Variants in BEST3 observed in about 807,000 individuals in gnomAD.
BEST3 encodes the protein bestrophin-3.
Under a neutral mutation model 47.1 loss-of-function variants are expected in BEST3, and 50 were observed. That is an observed-to-expected ratio of 1.06 (90% CI 0.85 to 1.34). The LOEUF (loss-of-function observed/expected upper bound fraction) is 1.34. BEST3 is among the 40% of genes most tolerant of loss of function. The pLI is 0.00. For missense variants in BEST3, 765 were observed against 817.0 expected, an observed-to-expected ratio of 0.94 and a Z score of 0.78; for synonymous variants, 282 against 298.8, an observed-to-expected ratio of 0.94 and a Z score of 0.58.
downstream of BEST3, among the ~76,000 whole-genome samples, chr12:69,651,786 G>GAAAAAAAAAAAAAAAAAAAAAAA (rs5798944): frequency 2.1e-5 from 2 of 97,154 alleles, no homozygotes; most frequent in Non-Finnish European, 2.5e-5. Flanking sequence ...AAAAAAAAAA[G>GAAAAAAAAAAAAAAAAAAAAAAA]AAAAAAAAAA....
Position 69,677,795 on chromosome 12 carries a change from G to A in BEST3, c.637-538C>T, listed in dbSNP as rs1024266772. Among the ~76,000 whole-genome samples, 5 of 151,922 alleles carry A rather than the reference G, an allele frequency of 3.3e-5. 1 individual carries two copies. The highest frequency in any genetic ancestry group is 7.3e-5 in the African/African-American group (3 of 41,370). ...GTGAGACTCTATTTCCAAAAAAAAA[G>A]GACTTCATAGAAATATCCCCCCGCC... is the stretch of plus-strand genomic sequence containing the variant. On this transcript the variant is annotated intron_variant, in intron 5 of 9. Transcript: ENST00000330891.
chr12:69,699,274 C>A lies in BEST3; in HGVS notation c.-85G>T. On this transcript the variant is annotated 5_prime_UTR_variant, in exon 1 of 10. Coordinates refer to ENST00000330891, the MANE Select transcript of BEST3 (RefSeq NM_032735.3). Reference sequence around the variant, plus strand: ...AATTTCGGGCTCCCCCGAAGAGGTGCCTTCAGGTCGGTGCTGCACGCCCGG... The same window carrying A: ...AATTTCGGGCTCCCCCGAAGAGGTGACTTCAGGTCGGTGCTGCACGCCCGG... 1.0e-6 allele frequency: 1 copy of A among 985,406 alleles called. No individual in the cohort carries two copies. Among genetic ancestry groups the A allele is most frequent in the Non-Finnish European group, 1.2e-6 (1 of 829,934 alleles). 61.0% of individuals were successfully genotyped at this position (985,406 alleles called of 1,614,324 possible). A position where few individuals can be genotyped will look rare whatever the true frequency, so the allele number is the denominator to read the frequency against.
chr12:69,655,296 C>T lies in BEST3; in HGVS notation c.1618G>A (p.Glu540Lys), dbSNP rs1346553830. 3 of 1,614,056 alleles carry T rather than the reference C, an allele frequency of 1.9e-6. No individual in the cohort carries two copies. In the African/African-American group the frequency reaches 4.0e-5, roughly 22 times the overall value. ...EFTGVQPSKT[E>K]QQQGPMGSIL... ...GATCCCATGGGGCCCTGCTGCTGCTCAGTCTTGCTTGGCTGAACCCCTGTA... is the reference window on the plus strand; with the variant it reads ...GATCCCATGGGGCCCTGCTGCTGCTTAGTCTTGCTTGGCTGAACCCCTGTA... The change falls in exon 10 of 10, where the codon GAG becomes AAG. Residue 540 changes from glutamate (E) to lysine (K), a missense_variant. Glu to Lys is a moderately conservative substitution (Grantham distance 56, BLOSUM62 1). Transcript: ENST00000330891.
rs1315031900 is a variant in BEST3 at position 69,693,737 on chromosome 12, AGAT to A, written c.415_417del (p.Ile139del). 2.5e-6 allele frequency: 4 copies of A among 1,614,068 alleles called. No individual in the cohort carries two copies. The highest frequency in any genetic ancestry group is 1.3e-5 in the African/African-American group (1 of 74,934). On this transcript the variant is annotated inframe_deletion, in exon 4 of 10. Transcript: ENST00000330891. ...TACACAGCAGTGCTCACCGAGCGAAAGATGAGCAGGGAGGTGAGATTGACGTAG... is the reference window on the plus strand; with the variant it reads ...TACACAGCAGTGCTCACCGAGCGAAAGAGCAGGGAGGTGAGATTGACGTAG...
rs767324127 is a variant in BEST3 at position 69,677,076 on chromosome 12, AG to A, written c.715-9del. 1.2e-6 allele frequency: 2 copies of A among 1,614,090 alleles called. No homozygotes were observed. The highest frequency in any genetic ancestry group is 2.7e-5 in the African/African-American group (2 of 74,954). On this transcript the variant is annotated splice_polypyrimidine_tract_variant and intron_variant, in intron 6 of 9. Transcript: ENST00000330891. ...GACAGCAAGAGTGACAACCTGGAAC[AG>A]AGAGAGACCAGAGTGAGGGGACAGT...
intron 4 of BEST3, among the ~76,000 whole-genome samples, chr12:69,685,009 C>T (rs1283881601): frequency 6.6e-6 from 1 of 151,330 alleles, no homozygotes; most frequent in African/African-American, 2.4e-5. Flanking sequence ...CTATTCTATT[C>T]TATTCTATTC....
intron 9 of BEST3, among the ~76,000 whole-genome samples, chr12:69,664,904 T>G (rs1019706480): frequency 1.3e-5 from 2 of 152,098 alleles, no homozygotes; most frequent in Non-Finnish European, 2.9e-5. Context: ...ATTATAAAGT[T>G]TGTAAGATAA....
At chr12:69,671,792 G>A (rs1884593423) in intron 8 of BEST3, among the ~76,000 whole-genome samples, 1 of 152,170 alleles carries the variant, frequency 6.6e-6, no homozygotes, top group Non-Finnish European at 1.5e-5. Context: ...ATGAGGATAA[G>A]TGGGGCTTGA....
At chr12:69,669,313 T>C (rs1490323132) in intron 9 of BEST3, among the ~76,000 whole-genome samples, 5 of 152,182 alleles carry the variant, frequency 3.3e-5, no homozygotes, top group Non-Finnish European at 5.9e-5. Flanking sequence ...TCAAGTGAGC[T>C]TTTGCCTAAT....
rs900618237 is a variant in BEST3 at position 69,670,562 on chromosome 12, G to C, written c.1100+866C>G. On this transcript the variant is annotated intron_variant, in intron 9 of 9. Transcript: ENST00000330891. ...AGGAGACATTCGGCAAAGGGAACAG[G>C]GTTGAAGCGAGATCTCCTGAAAGTA... 10 of 702,630 alleles carry C rather than the reference G, an allele frequency of 1.4e-5. No homozygotes were observed. In the Admixed American group the frequency reaches 2.0e-4, roughly 14 times the overall value. The allele number at this position is 702,630 out of a possible 1,614,324, so 43.5% of individuals were successfully genotyped here.
chr12:69,650,692 A>G (rs1175362163), downstream of BEST3, among the ~76,000 whole-genome samples: 1 of 152,212 alleles, frequency 6.6e-6, no homozygotes, highest in East Asian at 1.9e-4. Flanking sequence ...CTAGATTTAT[A>G]GTGGAGAAAA....
intron 4 of BEST3, among the ~76,000 whole-genome samples, chr12:69,692,085 C>T (rs1419204139): frequency 6.6e-6 from 1 of 152,138 alleles, no homozygotes; most frequent in African/African-American, 2.4e-5. Flanking sequence ...GTTCTTTCTT[C>T]TCAAATAAAA....
rs935925794 is a variant in BEST3 at position 69,690,763 on chromosome 12, C to T, written c.481+2911G>A. On this transcript the variant is annotated intron_variant, in intron 4 of 9. Transcript: ENST00000330891. ...TAGGTCTTTCTTAGAGACGGTAATT[C>T]TTAATCTATTTGTTCCTGGAGACAT... Among the ~76,000 whole-genome samples, 5 of 152,120 alleles carry T rather than the reference C, an allele frequency of 3.3e-5. No homozygotes were observed. In the South Asian group the frequency reaches 1.0e-3, roughly 32 times the overall value.
At chr12:69,681,079 T>A (rs775481) in intron 4 of BEST3, among the ~76,000 whole-genome samples, 45,686 of 151,908 alleles carry the variant, frequency 0.3, 7,346 homozygotes, top group East Asian at 0.49. Context: ...CCCTTGGCTC[T>A]TTAAGTAGCT....
intron 4 of BEST3, among the ~76,000 whole-genome samples, chr12:69,690,600 AC>A (rs1265438695): frequency 6.6e-6 from 1 of 152,122 alleles, no homozygotes; most frequent in Non-Finnish European, 1.5e-5. Flanking sequence ...TGAGGATTGG[AC>A]CCGGCATCTG....
At chr12:69,646,848 A>G (rs1436552794) in intron 9 of BEST3, among the ~76,000 whole-genome samples, 1 of 152,198 alleles carries the variant, frequency 6.6e-6, no homozygotes, top group Admixed American at 6.5e-5. Context: ...CTTTGGAGTC[A>G]GTAGGGTCCA....
At chr12:69,678,240 A>T (rs1165274003) in intron 5 of BEST3, among the ~76,000 whole-genome samples, 7 of 152,262 alleles carry the variant, frequency 4.6e-5, no homozygotes, top group African/African-American at 7.2e-5. Flanking sequence ...ATATAAAAAA[A>T]ATTTTTTTCA....
chr12:69,655,275 C>A lies in BEST3; in HGVS notation c.1639G>T (p.Gly547Ter), dbSNP rs760999117. The change falls in exon 10 of 10, where the codon GGA (glycine) becomes TGA (stop). Residue 547 changes from glycine (G) to a stop codon, truncating the protein, a stop_gained. Coordinates refer to ENST00000330891, the MANE Select transcript of BEST3 (RefSeq NM_032735.3). LOFTEE classifies it low-confidence loss of function (END_TRUNC). ...SKTEQQQGPMGSILSPSEKET... is the reference protein window; with the variant it reads ...SKTEQQQGPM Reference sequence around the variant, plus strand: ...TTCTCTGAGGGAGACAGGATGGATCCCATGGGGCCCTGCTGCTGCTCAGTC... The same window carrying A: ...TTCTCTGAGGGAGACAGGATGGATCACATGGGGCCCTGCTGCTGCTCAGTC... The A allele has an allele frequency of 2.0e-5, 33 of 1,614,138 alleles. No individual in the cohort carries two copies. The highest frequency in any genetic ancestry group is 1.6e-4 in the Middle Eastern group (1 of 6,062).
chr12:69,685,388 G>C (rs1885517723), intron 4 of BEST3, among the ~76,000 whole-genome samples: 1 of 152,202 alleles, frequency 6.6e-6, no homozygotes, highest in Admixed American at 6.5e-5. Context: ...GAATAGATCT[G>C]AGGCAATTTG....
Sources: allele counts gnomAD v4.1 joint callset (sites outside exome capture counted in the v4.1 genomes callset), GRCh38; gene constraint gnomAD v4.1.1; transcripts MANE v1.5; gene names NCBI Gene and HGNC (gene_info 2026-07-23, HGNC 2026-07-21).